NEDD4: variants seen among roughly 807,000 people sequenced by gnomAD.
NEDD4 encodes the protein NEDD4 E3 ubiquitin protein ligase, also known as E3 ubiquitin-protein ligase NEDD4.
NEDD4 carries 99 observed loss-of-function variants against 144.9 expected under a neutral mutation model. The ratio of observed to expected loss-of-function variants is 0.68; its 90% CI spans 0.58 to 0.81. The LOEUF (loss-of-function observed/expected upper bound fraction) is 0.81. Ranked by LOEUF, NEDD4 falls within the 30% of genes least tolerant of loss-of-function variation. The pLI is 0.00. For synonymous variants in NEDD4, 318 were observed against 350.6 expected, an observed-to-expected ratio of 0.91 and a Z score of 1.04; for missense variants, 985 against 1,065.9, an observed-to-expected ratio of 0.92 and a Z score of 1.06.
chr15:55,946,878 G>A (rs1304825129), intron 4 of NEDD4, among the ~76,000 whole-genome samples: 1 of 152,184 alleles, frequency 6.6e-6, no homozygotes, highest in Admixed American at 6.5e-5. Flanking sequence ...CAACTACATA[G>A]AAACTGAACA....
intron 21 of NEDD4, among the ~76,000 whole-genome samples, chr15:55,839,913 T>G (rs1383670177): frequency 7.4e-6 from 1 of 135,034 alleles, no homozygotes; most frequent in African/African-American, 2.9e-5. Context: ...AAGCAGAGGT[T>G]GCAGTGAGCC....
rs567688322 is a variant in NEDD4 at position 55,883,090 on chromosome 15, C to T, written c.292-9082G>A. Among the ~76,000 whole-genome samples the T allele has an allele frequency of 9.5e-4, 145 of 152,278 alleles. 2 individuals carry two copies. Among genetic ancestry groups the T allele is most frequent in the African/African-American group, 3.2e-3 (134 of 41,540 alleles). ...GGTAGAGCACCAAGCCTCTTGGGGT[C>T]CTTGATGCCAAGGCTCAGTTCTTGG... On this transcript the variant is annotated intron_variant, in intron 5 of 28. Coordinates refer to ENST00000435532, the MANE Select transcript of NEDD4 (RefSeq NM_006154.4).
intron 22 of NEDD4, 61 bp downstream of exon 22, chr15:55,838,448 T>G: frequency 8.6e-7 from 1 of 1,156,598 alleles, no homozygotes; most frequent in Non-Finnish European, 1.3e-6. Context: ...GTGTACGTAT[T>G]AACATCTAAA....
intron 27 of NEDD4, among the ~76,000 whole-genome samples, chr15:55,832,337 T>C (rs56333939): frequency 0.33 from 50,542 of 152,108 alleles, 8,563 homozygotes; most frequent in South Asian, 0.43. Context: ...CATGACTCTG[T>C]TTTTATTTTT....
intron 1 of NEDD4, among the ~76,000 whole-genome samples, chr15:55,991,213 G>A (rs1457747401): frequency 6.6e-6 from 1 of 152,122 alleles, no homozygotes; most frequent in East Asian, 1.9e-4. Context: ...ACAGCAGAGG[G>A]CTGCCTATTT....
At chr15:55,856,299 A>C in intron 11 of NEDD4, 103 bp from the exon 12 acceptor site, 1 of 981,962 alleles carries the variant, frequency 1.0e-6, no homozygotes, top group Non-Finnish European at 1.5e-6. Flanking sequence ...CAGAAGAGAG[A>C]AGGCTGGCTA....
chr15:55,922,626 G>A (rs934949964), intron 5 of NEDD4, among the ~76,000 whole-genome samples: 5 of 152,288 alleles, frequency 3.3e-5, no homozygotes, highest in African/African-American at 1.2e-4. Flanking sequence ...GCCTCCCAAA[G>A]TGCTGGGATT....
intron 5 of NEDD4, among the ~76,000 whole-genome samples, chr15:55,924,171 T>C (rs1276341456): frequency 6.6e-6 from 1 of 152,182 alleles, no homozygotes; most frequent in Non-Finnish European, 1.5e-5. Context: ...TGCTCATTCC[T>C]TATCAGTGTA....
At chr15:55,877,462 A>G (rs1177970452) in intron 5 of NEDD4, among the ~76,000 whole-genome samples, 2 of 152,214 alleles carry the variant, frequency 1.3e-5, no homozygotes, top group African/African-American at 2.4e-5. Flanking sequence ...GATTTGTTGC[A>G]TTACTAATGG....
intron 1 of NEDD4, among the ~76,000 whole-genome samples, chr15:55,988,855 T>C (rs1595892089): frequency 6.6e-6 from 1 of 151,756 alleles, no homozygotes; most frequent in South Asian, 2.1e-4. Flanking sequence ...ACAATTGCAG[T>C]GAAAAGGTTA....
At chr15:55,963,576 G>T (rs4774837) in intron 2 of NEDD4, among the ~76,000 whole-genome samples, 11,169 of 152,024 alleles carry the variant, frequency 0.073, 474 homozygotes, top group Admixed American at 0.11. Flanking sequence ...TGTTATAGTT[G>T]TTTTATGTAT....
intron 1 of NEDD4, among the ~76,000 whole-genome samples, chr15:55,981,998 A>G (rs1349932649): frequency 6.6e-6 from 1 of 152,248 alleles, no homozygotes; most frequent in Non-Finnish European, 1.5e-5. Context: ...TTTAAGTGTG[A>G]TAACACCATA....
At chr15:55,852,611 TTCCCTCTG>T in intron 12 of NEDD4, 68 bp from the exon 13 acceptor site, 1 of 1,472,760 alleles carries the variant, frequency 6.8e-7, no homozygotes, top group Non-Finnish European at 9.3e-7. Context: ...CCCCCAAAAG[TTCCCTCTG>T]TCCCTATGTC....
chr15:55,833,716 T>G (rs2033066191), intron 26 of NEDD4, among the ~76,000 whole-genome samples: 1 of 152,264 alleles, frequency 6.6e-6, no homozygotes, highest in African/African-American at 2.4e-5. Context: ...CTATGAGAAA[T>G]TTTAAAAGAG....
chr15:55,973,794 C>A (rs1302490487), intron 1 of NEDD4, among the ~76,000 whole-genome samples: 1 of 150,434 alleles, frequency 6.6e-6, no homozygotes, highest in Non-Finnish European at 1.5e-5. Flanking sequence ...AAAAGAGAAG[C>A]TTATAGCTAT....
At position 55,828,974 on chromosome 15, in the gene NEDD4, G is replaced by A. The variant is rs929232020; in HGVS notation, c.*923C>T. On this transcript the variant is annotated 3_prime_UTR_variant, in exon 29 of 29. Transcript: ENST00000435532. ...GTAAACATACATTTACTACATAATT[G>A]TACAAGTGTAAAGAATATCTAGTAA... 3 of 152,470 alleles carry A rather than the reference G, an allele frequency of 2.0e-5. No homozygotes were observed. The highest frequency in any genetic ancestry group is 4.8e-5 in the African/African-American group (2 of 41,380). The allele number at this position is 152,470 out of a possible 1,614,324, so 9.4% of individuals were successfully genotyped here.
chr15:55,850,715 A>C lies in NEDD4; in HGVS notation c.1174T>G (p.Ser392Ala). Residue 392 changes from serine to alanine, a missense_variant, in exon 14 of 29, where the codon TCA becomes GCA. Ser to Ala is a moderately conservative substitution (Grantham distance 99). Transcript: ENST00000435532. The part of the protein sequence containing the change: ...QATVETSQLT[S>A]SQSSAGPQSQ... ...TGAGGGCCTGCAGAACTCTGGCTTGAGGTCAGCTGACTGGTCTCCACTGTG... is the reference window on the plus strand; with the variant it reads ...TGAGGGCCTGCAGAACTCTGGCTTGCGGTCAGCTGACTGGTCTCCACTGTG... 6.2e-7 allele frequency: 1 copy of C among 1,613,870 alleles called. No individual in the cohort carries two copies. The highest frequency in any genetic ancestry group is 8.5e-7 in the Non-Finnish European group (1 of 1,180,018).
intron 4 of NEDD4, among the ~76,000 whole-genome samples, chr15:55,929,829 T>C (rs1229496433): frequency 1.3e-5 from 2 of 152,078 alleles, no homozygotes; most frequent in African/African-American, 2.4e-5. Flanking sequence ...TTAAAAACTA[T>C]AAGGAGTATC....
At chr15:55,954,814 G>T (rs893658967) in intron 2 of NEDD4, among the ~76,000 whole-genome samples, 2 of 151,670 alleles carry the variant, frequency 1.3e-5, no homozygotes, top group Non-Finnish European at 2.9e-5. Context: ...GTGAGCCACC[G>T]TGCCTAGCCG....
Sources: gnomAD v4.1 joint callset for allele counts (sites outside exome capture counted in the v4.1 genomes callset) on GRCh38, gnomAD v4.1.1 for gene constraint, MANE v1.5 for transcripts, NCBI Gene and HGNC (gene_info 2026-07-23, HGNC 2026-07-21) for gene names.